Variants in SDK2 observed in about 807,000 individuals in gnomAD.
The protein encoded by SDK2 is sidekick cell adhesion molecule 2.
Under a neutral mutation model 253.9 loss-of-function variants are expected in SDK2, and 105 were observed. The observed-to-expected ratio is 0.41, with a 90% CI of 0.35 to 0.49. SDK2 has a LOEUF of 0.49. Among genes scored for constraint, SDK2 ranks in the 20% least tolerant of loss-of-function variants. The pLI, the probability that SDK2 is intolerant of heterozygous loss-of-function variation, is 0.06. For synonymous variants in SDK2, 1,249 were observed against 1,234.9 expected (o/e 1.01, Z -0.24); for missense variants, 2,608 against 3,003.0 (o/e 0.87, Z 3.07).
rs376998491 is a variant in SDK2, at chr17:73,359,819, T to G, written c.5468-1615A>C. 5.9e-5 allele frequency among the ~76,000 whole-genome samples: 9 copies of G among 152,240 alleles called. No individual in the cohort carries two copies. The South Asian group carries it at 1.9e-3, about 32-fold the overall frequency. ...CACCAGTATGCCTGGATAATTTTAT[T>G]TTTGTAGAGATGGGGTTTTGCTGTA... On this transcript the variant is annotated intron_variant, in intron 39 of 44. Transcript: ENST00000392650.
chr17:73,640,777 T>G (rs2046388796), intron 1 of SDK2, among the ~76,000 whole-genome samples: 1 of 152,160 alleles, frequency 6.6e-6, no homozygotes, highest in African/African-American at 2.4e-5. Context: ...TTCAGGGTTG[T>G]CCCCACTGCC....
chr17:73,343,631 T>C (rs1300403132), intron 44 of SDK2, among the ~76,000 whole-genome samples: 1 of 152,094 alleles, frequency 6.6e-6, no homozygotes, highest in Admixed American at 6.5e-5. Flanking sequence ...CAATCAGCAA[T>C]TACTGGGGTC....
At chr17:73,433,281 G>A (rs1050893095) in intron 10 of SDK2, among the ~76,000 whole-genome samples, 4 of 147,670 alleles carry the variant, frequency 2.7e-5, no homozygotes, top group Non-Finnish European at 4.5e-5. Flanking sequence ...GGGATGTGAA[G>A]GATGCTCTTT....
At chr17:73,416,530 T>C (rs1688991030) in intron 16 of SDK2, among the ~76,000 whole-genome samples, 1 of 151,914 alleles carries the variant, frequency 6.6e-6, no homozygotes, top group East Asian at 1.9e-4. Context: ...GTTTTGCTTA[T>C]AGTTGACCCT....
intron 2 of SDK2, among the ~76,000 whole-genome samples, chr17:73,500,319 C>CA (rs2063878822): frequency 7.1e-6 from 1 of 141,166 alleles, no homozygotes; most frequent in Non-Finnish European, 1.5e-5. Context: ...CTCCATCCTC[C>CA]TCCATCCTCC....
chr17:73,466,725 C>G (rs1013142925), intron 3 of SDK2, among the ~76,000 whole-genome samples: 4 of 145,522 alleles, frequency 2.7e-5, no homozygotes, highest in South Asian at 2.2e-4. Context: ...GCCCCCCCCC[C>G]CCGGCTTAGG....
chr17:73,489,933 G>C (rs549271197), intron 2 of SDK2, among the ~76,000 whole-genome samples: 129 of 152,212 alleles, frequency 8.5e-4, no homozygotes, highest in Non-Finnish European at 1.6e-3. Flanking sequence ...TGTTAAAAAG[G>C]CCATTTTTAA....
intron 1 of SDK2, among the ~76,000 whole-genome samples, chr17:73,621,697 C>T (rs1261212078): frequency 6.6e-6 from 1 of 151,392 alleles, no homozygotes; most frequent in Non-Finnish European, 1.5e-5. Context: ...TGGGCTTAAC[C>T]AAAACATGGA....
chr17:73,466,494 G>A (rs570767242), intron 3 of SDK2, among the ~76,000 whole-genome samples: 1 of 152,226 alleles, frequency 6.6e-6, no homozygotes, highest in East Asian at 1.9e-4. Context: ...CTGGGGCCAC[G>A]GTTACACCCT....
chr17:73,377,209 C>CTT (rs1255018965), intron 36 of SDK2, among the ~76,000 whole-genome samples: 1 of 143,518 alleles, frequency 7.0e-6, no homozygotes. Flanking sequence ...AGACACATTC[C>CTT]TTTTTTTTTT....
chr17:73,402,129 C>T lies in SDK2; in HGVS notation c.2497G>A (p.Glu833Lys). 3 of 1,613,536 alleles carry T rather than the reference C, an allele frequency of 1.9e-6. No homozygotes were observed. The highest frequency in any genetic ancestry group is 2.5e-6 in the Non-Finnish European group (3 of 1,179,604). The change falls in exon 19 of 45, where the codon GAG becomes AAG. Residue 833 changes from glutamate to lysine, a missense_variant. Transcript: ENST00000392650. Reference sequence around the variant, plus strand: ...GTAACCTCCTCTTCCTGTTCCGGCTCCCAGGCGATCAGCTGCGGAGAGGCG... The same window carrying T: ...GTAACCTCCTCTTCCTGTTCCGGCTTCCAGGCGATCAGCTGCGGAGAGGCG... ...INQGYKLIAW[E>K]PEQEEEVTMV... is the part of the protein sequence containing the mutation.
chr17:73,624,517 T>C (rs1397260989), intron 1 of SDK2, among the ~76,000 whole-genome samples: 1 of 152,198 alleles, frequency 6.6e-6, no homozygotes, highest in Non-Finnish European at 1.5e-5. Flanking sequence ...ATCACTCCTA[T>C]TTTTTAGAAG....
intron 1 of SDK2, among the ~76,000 whole-genome samples, chr17:73,628,488 A>G (rs186086687): frequency 6.6e-6 from 1 of 152,290 alleles, no homozygotes; most frequent in African/African-American, 2.4e-5. Context: ...GTGAGCTTTT[A>G]TGATGCCCTG....
In SDK2 at chr17:73,624,437, G is replaced by C. The variant is rs564551586; in HGVS notation, c.64+19588C>G. Among the ~76,000 whole-genome samples, 5 of 152,332 alleles carry C rather than the reference G, an allele frequency of 3.3e-5. 1 individual carries two copies. In the South Asian group the frequency reaches 1.0e-3, roughly 32 times the overall value. ...GAATCCGGGAGTGGCAGATGGCAGA[G>C]GTTGCAGTGAGCCGAGATTGTGCCA... On this transcript the variant is annotated intron_variant, in intron 1 of 44. Coordinates refer to ENST00000392650, the MANE Select transcript of SDK2 (RefSeq NM_001144952.2).
chr17:73,415,743 C>T (rs1029373693), intron 17 of SDK2, 68 bp downstream of exon 17: 43 of 1,363,272 alleles, frequency 3.2e-5, no homozygotes, highest in African/African-American at 4.3e-5. Flanking sequence ...CCCGTCTTGG[C>T]GTCCCAAAGT....
intron 1 of SDK2, among the ~76,000 whole-genome samples, chr17:73,631,245 G>A (rs377409491): frequency 2.6e-4 from 39 of 152,322 alleles, no homozygotes; most frequent in African/African-American, 8.4e-4. Flanking sequence ...TGGCAGCCCA[G>A]GCCCCACAAC....
At chr17:73,344,799 A>G (rs763407693) in intron 44 of SDK2, among the ~76,000 whole-genome samples, 2 of 152,244 alleles carry the variant, frequency 1.3e-5, no homozygotes, top group Admixed American at 1.3e-4. Context: ...AGAGGCAAAC[A>G]CAGGCAAAAG....
At chr17:73,627,609 C>T (rs1456141408) in intron 1 of SDK2, among the ~76,000 whole-genome samples, 10 of 152,234 alleles carry the variant, frequency 6.6e-5, no homozygotes, top group Admixed American at 2.0e-4. Flanking sequence ...AGGTCAGGAG[C>T]ACGGTGGGCA....
chr17:73,505,574 ATCAATAGCTGGACCTCATCATCG>A (rs2063928631), intron 2 of SDK2, among the ~76,000 whole-genome samples: 1 of 150,044 alleles, frequency 6.7e-6, no homozygotes, highest in Non-Finnish European at 1.5e-5. Flanking sequence ...CATCATCATC[ATCAATAGCTGGACCTCATCATCG>A]TCAATAGCTG....
Sources: allele counts gnomAD v4.1 joint callset (sites outside exome capture counted in the v4.1 genomes callset), GRCh38; gene constraint gnomAD v4.1.1; transcripts MANE v1.5; gene names NCBI Gene and HGNC (gene_info 2026-07-23, HGNC 2026-07-21).